The following NCAM2 variants were observed in gnomAD, a reference collection of about 807,000 sequenced individuals.
NCAM2 encodes N-CAM-2.
In NCAM2, 30 loss-of-function variants were observed where a neutral mutation model predicts 98.1. That is an observed-to-expected ratio of 0.31 (90% CI 0.23 to 0.41). The LOEUF is 0.41. NCAM2 is among the 10% of genes least tolerant of loss of function. NCAM2 has a pLI of 1.00. For synonymous variants in NCAM2, 368 were observed against 342.4 expected, an observed-to-expected ratio of 1.07 and a Z score of -0.83; for missense variants, 867 against 1,005.8, an observed-to-expected ratio of 0.86 and a Z score of 1.87.
At chr21:21,521,794 T>C (rs528010927) in intron 16 of NCAM2, among the ~76,000 whole-genome samples, 4 of 152,046 alleles carry the variant, frequency 2.6e-5, no homozygotes, top group South Asian at 2.1e-4. Flanking sequence ...AATACAGTTA[T>C]AATATGTGCA....
intron 1 of NCAM2, among the ~76,000 whole-genome samples, chr21:21,079,571 T>A (rs944058468): frequency 6.6e-6 from 1 of 152,192 alleles, no homozygotes; most frequent in Non-Finnish European, 1.5e-5. Context: ...GAAAATTCTC[T>A]TGCCCCCTTT....
intron 5 of NCAM2, 102 bp downstream of exon 5, chr21:21,292,343 A>C: frequency 8.9e-7 from 1 of 1,123,838 alleles, no homozygotes; most frequent in Non-Finnish European, 1.3e-6. Context: ...TTATCTAATA[A>C]ACCTCTTCTA....
intron 1 of NCAM2, among the ~76,000 whole-genome samples, chr21:21,032,298 GTAAAT>G: frequency 6.6e-6 from 1 of 152,236 alleles, no homozygotes; most frequent in Admixed American, 6.5e-5. Context: ...TATTTAGTAA[GTAAAT>G]TAAATTGTAA....
chr21:21,228,559 T>C (rs1159400398), intron 1 of NCAM2, among the ~76,000 whole-genome samples: 5 of 151,350 alleles, frequency 3.3e-5, no homozygotes, highest in Admixed American at 2.0e-4. Context: ...ATGAAAAAAA[T>C]CTAAAAACAC....
intron 1 of NCAM2, among the ~76,000 whole-genome samples, chr21:21,007,532 C>T (rs577661787): frequency 1.3e-5 from 2 of 152,224 alleles, no homozygotes; most frequent in South Asian, 4.1e-4. Context: ...CATGAATTTT[C>T]TGGGAAAGGG....
intron 13 of NCAM2, among the ~76,000 whole-genome samples, chr21:21,467,223 G>A (rs1419794308): frequency 6.6e-6 from 1 of 151,666 alleles, no homozygotes; most frequent in African/African-American, 2.4e-5. Flanking sequence ...TTGGGGAATT[G>A]TAAGTTAATT....
intron 16 of NCAM2, among the ~76,000 whole-genome samples, chr21:21,512,012 G>T (rs1481464875): frequency 6.6e-6 from 1 of 151,570 alleles, no homozygotes; most frequent in Non-Finnish European, 1.5e-5. Flanking sequence ...TTGTCAGATG[G>T]GTACTTTATA....
chr21:21,377,169 G>A (rs973973220), intron 9 of NCAM2, among the ~76,000 whole-genome samples: 3 of 151,430 alleles, frequency 2.0e-5, no homozygotes, highest in African/African-American at 7.3e-5. Context: ...ATCATCTCTT[G>A]TTAAGACATT....
At chr21:21,144,708 C>G (rs757513230) in intron 1 of NCAM2, among the ~76,000 whole-genome samples, 1 of 152,052 alleles carries the variant, frequency 6.6e-6, no homozygotes, top group Non-Finnish European at 1.5e-5. Flanking sequence ...CACCTCTGTT[C>G]CCAAATATCT....
chr21:21,013,236 A>T (rs936209819), intron 1 of NCAM2, among the ~76,000 whole-genome samples: 1 of 152,254 alleles, frequency 6.6e-6, no homozygotes. Context: ...AATGCAGAAA[A>T]CACAATTACT....
At chr21:21,080,680 A>AAAAAAAT (rs2065779085) in intron 1 of NCAM2, among the ~76,000 whole-genome samples, 1 of 72,444 alleles carries the variant, frequency 1.4e-5, no homozygotes, top group Non-Finnish European at 2.5e-5. Context: ...AAAAAAAAAA[A>AAAAAAAT]CCAACATTGA....
At chr21:21,194,842 C>G (rs912424350) in intron 1 of NCAM2, among the ~76,000 whole-genome samples, 1 of 152,124 alleles carries the variant, frequency 6.6e-6, no homozygotes, top group Non-Finnish European at 1.5e-5. Context: ...TCATGTTGTA[C>G]ATAAGAATTC....
intron 1 of NCAM2, among the ~76,000 whole-genome samples, chr21:21,179,074 C>T (rs1453238330): frequency 6.6e-6 from 1 of 152,024 alleles, no homozygotes; most frequent in African/African-American, 2.4e-5. Flanking sequence ...TGCCTCTGAA[C>T]TTTTATGCAA....
At position 21,522,225 on chromosome 21, in the gene NCAM2, A is replaced by G. The variant is rs1216602397; in HGVS notation, c.2283-12312A>G. On this transcript the variant is annotated intron_variant, in intron 16 of 17. Coordinates refer to ENST00000400546, the MANE Select transcript of NCAM2 (RefSeq NM_004540.5). ...TGAATATGATTATATATGAATGACTATTATATTTATGAAGATGAATATATA... is the reference window on the plus strand; with the variant it reads ...TGAATATGATTATATATGAATGACTGTTATATTTATGAAGATGAATATATA... Among the ~76,000 whole-genome samples the G allele has an allele frequency of 2.0e-5, 3 of 147,724 alleles. No homozygotes were observed. The Admixed American group carries it at 2.0e-4, about 10-fold the overall frequency.
intron 1 of NCAM2, among the ~76,000 whole-genome samples, chr21:20,998,847 CGGTG>C (rs2063968122): frequency 6.6e-6 from 1 of 152,116 alleles, no homozygotes; most frequent in Admixed American, 6.5e-5. Flanking sequence ...AGAGGGGAAT[CGGTG>C]AGCAGGATAT....
rs764097299 is a variant in NCAM2 at position 21,508,808 on chromosome 21, C to CTTTTTT, written c.2078-16_2078-11dup. ...ATTTAGAGGTTTAATACTTTTTTTCCTTTTTTTTTTTTTTTTTTTTTTTTT... is the reference window on the plus strand; with the variant it reads ...ATTTAGAGGTTTAATACTTTTTTTCCTTTTTTTTTTTTTTTTTTTTTTTTTTTTTTT... On this transcript the variant is annotated intron_variant, in intron 15 of 17. Transcript: ENST00000400546. 133 of 413,290 alleles carry CTTTTTT rather than the reference C, an allele frequency of 3.2e-4. 20 individuals carry two copies. Among genetic ancestry groups the CTTTTTT allele is most frequent in the African/African-American group, 1.3e-3 (37 of 29,380 alleles). The allele number at this position is 413,290 out of a possible 1,614,324, so 25.6% of individuals were successfully genotyped here.
chr21:21,036,260 C>T (rs1025698810), intron 1 of NCAM2, among the ~76,000 whole-genome samples: 1 of 152,136 alleles, frequency 6.6e-6, no homozygotes, highest in Admixed American at 6.6e-5. Context: ...AAAGTGAAGT[C>T]CTTTGCTCTT....
At chr21:21,325,908 G>T (rs75132618) in intron 6 of NCAM2, among the ~76,000 whole-genome samples, 1 of 152,126 alleles carries the variant, frequency 6.6e-6, no homozygotes, top group South Asian at 2.1e-4. Flanking sequence ...AGCTTATGCC[G>T]ATCTTAGCTA....
At chr21:21,467,663 T>G (rs372416030) in intron 13 of NCAM2, among the ~76,000 whole-genome samples, 1 of 151,516 alleles carries the variant, frequency 6.6e-6, no homozygotes, top group East Asian at 2.0e-4. Flanking sequence ...CTGGGTGATA[T>G]AGTAAAACCC....
Sources: allele counts gnomAD v4.1 joint callset (sites outside exome capture counted in the v4.1 genomes callset), GRCh38; gene constraint gnomAD v4.1.1; transcripts MANE v1.5; gene names NCBI Gene and HGNC (gene_info 2026-07-23, HGNC 2026-07-21).